Variants in PPP2R2C observed in about 807,000 individuals in gnomAD.
PPP2R2C encodes the protein protein phosphatase 2 regulatory subunit Bgamma.
Under a neutral mutation model 45.3 loss-of-function variants are expected in PPP2R2C, and 10 were observed. That is an observed-to-expected ratio of 0.22 (90% CI 0.14 to 0.37). PPP2R2C has a LOEUF of 0.37. Ranked by LOEUF, PPP2R2C falls within the 10% of genes least tolerant of loss-of-function variation. The pLI is 1.00. For synonymous variants in PPP2R2C, 257 were observed against 245.4 expected (o/e 1.05, Z -0.44); for missense variants, 308 against 619.7 (o/e 0.50, Z 5.34).
chr4:6,329,431 G>T lies in PPP2R2C; in HGVS notation c.961-78C>A. On this transcript the variant is annotated intron_variant, in intron 7 of 8. Transcript: ENST00000382599. This position sits in a 1 kb window ranked among gnomAD's most constrained non-coding sequence, Gnocchi z 5.8. ...CCTTCCACAAGAAGGGTCTCAAAGAGCAGCGAGGGTCTGCATGCCCTGACA... is the reference window on the plus strand; with the variant it reads ...CCTTCCACAAGAAGGGTCTCAAAGATCAGCGAGGGTCTGCATGCCCTGACA... The T allele has an allele frequency of 7.8e-7, 1 of 1,282,034 alleles. No individual in the cohort carries two copies. Among genetic ancestry groups the T allele is most frequent in the Non-Finnish European group, 1.1e-6 (1 of 883,922 alleles). 79.4% of individuals were successfully genotyped at this position (1,282,034 alleles called of 1,614,324 possible).
rs1714488692 is a variant in PPP2R2C, at chr4:6,368,091, G to A, written c.625+4432C>T. Among the ~76,000 whole-genome samples the A allele has an allele frequency of 6.6e-6, 1 of 152,098 alleles. No individual in the cohort carries two copies. The highest frequency in any genetic ancestry group is 1.5e-5 in the Non-Finnish European group (1 of 68,004). ...GGTGTGCGGCCAGGGATGTTCCCAG[G>A]ATCCACAGGGGCCCCCGATCTGCTG... On this transcript the variant is annotated intron_variant, in intron 5 of 8. Transcript: ENST00000382599. This position sits in a 1 kb window ranked among gnomAD's most constrained non-coding sequence, Gnocchi z 4.2.
intron 1 of PPP2R2C, among the ~76,000 whole-genome samples, chr4:6,447,028 G>T (rs1197012348): frequency 1.3e-5 from 2 of 152,122 alleles, no homozygotes; most frequent in Non-Finnish European, 2.9e-5. Flanking sequence ...CAGAGGTCCT[G>T]CCAGGAGGTC....
intron 2 of PPP2R2C, among the ~76,000 whole-genome samples, chr4:6,534,578 C>T (rs766789443): frequency 1.7e-4 from 26 of 151,988 alleles, no homozygotes; most frequent in African/African-American, 4.6e-4. Flanking sequence ...AACACATCAA[C>T]GCATACAACA....
rs1201777430 is a variant in PPP2R2C, at chr4:6,337,110, GTGTA to G, written c.791-3383_791-3380del. ...GGCATCTTTGTTTCTGTATGTGTGT[GTGTA>G]TATATATATATATATATATATATAT... On this transcript the variant is annotated intron_variant, in intron 6 of 8. Transcript: ENST00000382599. Among the ~76,000 whole-genome samples, 237 of 41,434 alleles carry G rather than the reference GTGTA, an allele frequency of 5.7e-3. 2 individuals are homozygous for G. Among genetic ancestry groups the G allele is most frequent in the Non-Finnish European group, 7.5e-3 (168 of 22,398 alleles). 27.2% of individuals were successfully genotyped at this position (41,434 alleles called of 152,430 possible).
chr4:6,475,722 C>A (rs978872299), upstream of PPP2R2C, among the ~76,000 whole-genome samples: 3 of 152,216 alleles, frequency 2.0e-5, no homozygotes, highest in Non-Finnish European at 2.9e-5. Context: ...TTCTGACGGC[C>A]CCACCAGGCT....
chr4:6,345,009 C>T lies in PPP2R2C; in HGVS notation c.790+2837G>A, dbSNP rs1356123135. Among the ~76,000 whole-genome samples, 4 of 152,182 alleles carry T rather than the reference C, an allele frequency of 2.6e-5. No homozygotes were observed. In the South Asian group the frequency reaches 8.3e-4, roughly 32 times the overall value. On this transcript the variant is annotated intron_variant, in intron 6 of 8. Coordinates refer to ENST00000382599, the MANE Select transcript of PPP2R2C (RefSeq NM_020416.4). This position sits in a 1 kb window ranked among gnomAD's most constrained non-coding sequence, Gnocchi z 5.3. The stretch of plus-strand genomic sequence containing the variant: ...TACTTCAAGGAGCAGATATATTACA[C>T]CAACGGTTCCAGAAAAAGAAACAAA...
At chr4:6,413,816 GACTGT>G (rs1718364763) in intron 1 of PPP2R2C, 9 of 1,486,616 alleles carry the variant, frequency 6.1e-6, no homozygotes, top group Middle Eastern at 1.8e-4. Flanking sequence ...GCTAGCAGAG[GACTGT>G]GCCGGGGCTC....
chr4:6,557,473 T>C (rs550721837), intron 1 of PPP2R2C, among the ~76,000 whole-genome samples: 3 of 152,212 alleles, frequency 2.0e-5, no homozygotes, highest in African/African-American at 7.2e-5. Flanking sequence ...CGTATTTAGC[T>C]GGGAGGCAAG....
At chr4:6,449,698 C>T (rs887426420) in intron 1 of PPP2R2C, among the ~76,000 whole-genome samples, 1 of 152,236 alleles carries the variant, frequency 6.6e-6, no homozygotes, top group Non-Finnish European at 1.5e-5. Context: ...CGGGCCCCTG[C>T]CTGCCACCCT....
At chr4:6,415,748 T>A (rs960857189) in intron 1 of PPP2R2C, among the ~76,000 whole-genome samples, 1 of 152,178 alleles carries the variant, frequency 6.6e-6, no homozygotes, top group Non-Finnish European at 1.5e-5. Context: ...GAACTGAAGG[T>A]CATCCAGTCT....
chr4:6,538,544 G>A (rs184173694), intron 1 of PPP2R2C, among the ~76,000 whole-genome samples: 26 of 89,190 alleles, frequency 2.9e-4, no homozygotes, highest in African/African-American at 7.4e-4. Context: ...ACTAGGCAAA[G>A]GAAAATGAGA....
At chr4:6,395,841 C>T (rs10013142) in intron 1 of PPP2R2C, among the ~76,000 whole-genome samples, 10,989 of 152,234 alleles carry the variant, frequency 0.072, 967 homozygotes, top group African/African-American at 0.2. Flanking sequence ...GGTAGCCCCC[C>T]AGCTGCAGGC....
intron 1 of PPP2R2C, among the ~76,000 whole-genome samples, chr4:6,387,772 C>A (rs183669261): frequency 1.3e-5 from 2 of 150,848 alleles, no homozygotes; most frequent in East Asian, 3.9e-4. Context: ...GCCGAGATTG[C>A]ACCATTGCAC....
intron 2 of PPP2R2C, among the ~76,000 whole-genome samples, chr4:6,481,206 G>A (rs1482306020): frequency 3.3e-5 from 5 of 152,102 alleles, no homozygotes; most frequent in Non-Finnish European, 7.3e-5. Context: ...TTATCTTTCA[G>A]GCATTTTGCC....
chr4:6,432,748 G>A (rs1277630572), intron 1 of PPP2R2C, among the ~76,000 whole-genome samples: 1 of 152,210 alleles, frequency 6.6e-6, no homozygotes, highest in Non-Finnish European at 1.5e-5. Flanking sequence ...GGGTTTCACT[G>A]CCAAATAAGT....
In PPP2R2C at chr4:6,345,943, T is replaced by C. The variant is rs993412403; in HGVS notation, c.790+1903A>G. ...CTCGACCCATTTCCTTGGAACCCAA[T>C]ACGGGCCTCAGGCTCGCGGGTCTGA... On this transcript the variant is annotated intron_variant, in intron 6 of 8. Transcript: ENST00000382599. The surrounding 1 kb of genome is among the most constrained non-coding windows in gnomAD (Gnocchi z 5.3). Among the ~76,000 whole-genome samples the C allele has an allele frequency of 6.6e-6, 1 of 152,138 alleles. No homozygotes were observed. Among genetic ancestry groups the C allele is most frequent in the African/African-American group, 2.4e-5 (1 of 41,434 alleles).
chr4:6,406,659 A>T (rs911170097), intron 1 of PPP2R2C, among the ~76,000 whole-genome samples: 1 of 152,202 alleles, frequency 6.6e-6, no homozygotes, highest in Non-Finnish European at 1.5e-5. Context: ...CGGGAGGCTG[A>T]GGCAGGAGAA....
At chr4:6,405,845 G>T (rs528139318) in intron 1 of PPP2R2C, among the ~76,000 whole-genome samples, 10 of 152,190 alleles carry the variant, frequency 6.6e-5, no homozygotes, top group Non-Finnish European at 1.3e-4. Flanking sequence ...TCGCGGAGGG[G>T]CAGGGGGAGT....
At chr4:6,342,244 T>C (rs576952929) in intron 6 of PPP2R2C, among the ~76,000 whole-genome samples, 2 of 152,298 alleles carry the variant, frequency 1.3e-5, no homozygotes, top group East Asian at 3.9e-4. Context: ...TTGATGTTAC[T>C]GGTAATGCTC....
Sources: allele counts gnomAD v4.1 joint callset (sites outside exome capture counted in the v4.1 genomes callset), GRCh38; gene constraint gnomAD v4.1.1; non-coding constraint Gnocchi (gnomAD v3.1); transcripts MANE v1.5; gene names NCBI Gene and HGNC (gene_info 2026-07-23, HGNC 2026-07-21).